NPAS3: variants seen among roughly 807,000 people sequenced by gnomAD.
The protein encoded by NPAS3 is neuronal PAS domain protein 3.
A neutral mutation model predicts 73.1 loss-of-function variants in NPAS3; 14 were observed. The observed-to-expected ratio is 0.19, with a 90% CI of 0.13 to 0.30. NPAS3 has a LOEUF of 0.30. NPAS3 is among the 10% of genes least tolerant of loss of function. The probability of loss-of-function intolerance (pLI) is 1.00; values close to 1 mark genes in which losing one functional copy is unlikely to be tolerated. For missense variants in NPAS3, 1,096 were observed against 1,250.0 expected, an observed-to-expected ratio of 0.88 and a Z score of 1.86; for synonymous variants, 620 against 541.5, an observed-to-expected ratio of 1.14 and a Z score of -2.01.
chr14:33,340,321 C>G (rs923700100), intron 3 of NPAS3, among the ~76,000 whole-genome samples: 9 of 152,082 alleles, frequency 5.9e-5, no homozygotes. Context: ...ATGGCGAAAC[C>G]CTGTCTCTAC....
At chr14:33,238,977 TG>T (rs973529871) in intron 3 of NPAS3, among the ~76,000 whole-genome samples, 25 of 151,990 alleles carry the variant, frequency 1.6e-4, no homozygotes, top group African/African-American at 5.3e-4. Context: ...GCTTATCAGT[TG>T]TCCTTCACAT....
upstream of NPAS3, chr14:32,934,796 C>G (rs903420819): frequency 3.7e-5 from 9 of 241,700 alleles, no homozygotes; most frequent in Non-Finnish European, 5.4e-5. This position sits in a 1 kb window ranked among gnomAD's most constrained non-coding sequence, Gnocchi z 4.1. Context: ...GCCCGAGCCC[C>G]CGCCAGCCAG....
At chr14:33,680,152 A>G (rs2059891898) in intron 6 of NPAS3, among the ~76,000 whole-genome samples, 1 of 152,130 alleles carries the variant, frequency 6.6e-6, no homozygotes, top group Admixed American at 6.5e-5. Flanking sequence ...ATTACTCTTA[A>G]TGATTCTGCC....
At chr14:33,602,287 T>C (rs2057421882) in intron 5 of NPAS3, among the ~76,000 whole-genome samples, 1 of 152,238 alleles carries the variant, frequency 6.6e-6, no homozygotes, top group South Asian at 2.1e-4. Flanking sequence ...CAAATAGACC[T>C]GAAAACAGTG....
chr14:33,621,137 T>C (rs556681457), intron 5 of NPAS3, among the ~76,000 whole-genome samples: 1 of 151,950 alleles, frequency 6.6e-6, no homozygotes, highest in Admixed American at 6.6e-5. Flanking sequence ...AGATTGAAGA[T>C]GATAAAGACA....
chr14:33,552,619 A>G (rs902639486), intron 4 of NPAS3, among the ~76,000 whole-genome samples: 9 of 152,144 alleles, frequency 5.9e-5, no homozygotes, highest in African/African-American at 1.7e-4. Flanking sequence ...CCAGTAGTCT[A>G]TATTCGACAG....
At chr14:33,162,819 G>T (rs2044951885) in intron 2 of NPAS3, among the ~76,000 whole-genome samples, 1 of 152,132 alleles carries the variant, frequency 6.6e-6, no homozygotes, top group Admixed American at 6.5e-5. Context: ...TCAAAAGTTT[G>T]CTCTGATATT....
intron 5 of NPAS3, among the ~76,000 whole-genome samples, chr14:33,654,783 C>G (rs1283039498): frequency 6.6e-6 from 1 of 152,134 alleles, no homozygotes; most frequent in Non-Finnish European, 1.5e-5. Context: ...ACCCTCACTT[C>G]AAAAAATCCC....
At chr14:33,638,579 A>G (rs143317327) in intron 5 of NPAS3, among the ~76,000 whole-genome samples, 1 of 152,384 alleles carries the variant, frequency 6.6e-6, no homozygotes, top group African/African-American at 2.4e-5. Context: ...TACACATATG[A>G]ACACACTAAG....
chr14:33,267,094 G>A (rs1477123354), intron 3 of NPAS3, among the ~76,000 whole-genome samples: 1 of 151,956 alleles, frequency 6.6e-6, no homozygotes, highest in African/African-American at 2.4e-5. Context: ...ATTGCCCAAA[G>A]GCTTTTAAAA....
At chr14:33,633,132 G>A (rs1274050858) in intron 5 of NPAS3, among the ~76,000 whole-genome samples, 1 of 152,202 alleles carries the variant, frequency 6.6e-6, no homozygotes, top group Non-Finnish European at 1.5e-5. Context: ...GTGATTTAAT[G>A]TATAGGGAGG....
At chr14:33,678,709 A>G (rs201111120) in intron 6 of NPAS3, among the ~76,000 whole-genome samples, 2 of 149,508 alleles carry the variant, frequency 1.3e-5, no homozygotes, top group East Asian at 4.1e-4. Flanking sequence ...ATTCATACTG[A>G]GTTTGATGTC....
intron 1 of NPAS3, among the ~76,000 whole-genome samples, chr14:32,962,569 C>CTTTTTTTTTTTTTTTTTTT (rs71432096): frequency 6.3e-4 from 70 of 110,610 alleles, no homozygotes; most frequent in Non-Finnish European, 9.5e-4. Flanking sequence ...TTTTTCTTTT[C>CTTTTTTTTTTTTTTTTTTT]TTTTTTTTTT....
In NPAS3 at chr14:33,143,206, TC is replaced by T. The variant is rs369881481; in HGVS notation, c.141-71974del. ...CAGTTTATAAGGTTAAAAAAAGTTA[TC>T]CTGGCCGGCTGCGGTGGCTCACGCC... On this transcript the variant is annotated intron_variant, in intron 2 of 11. Coordinates refer to ENST00000356141, the Ensembl canonical transcript of NPAS3. Among the ~76,000 whole-genome samples the T allele has an allele frequency of 1.0e-3, 157 of 151,058 alleles. 1 individual carries two copies. Among genetic ancestry groups the T allele is most frequent in the African/African-American group, 3.4e-3 (139 of 41,222 alleles).
At chr14:33,197,186 G>T (rs1358980336) in intron 2 of NPAS3, among the ~76,000 whole-genome samples, 1 of 151,454 alleles carries the variant, frequency 6.6e-6, no homozygotes, top group South Asian at 2.1e-4. Context: ...ATATACAGGG[G>T]TGAAGGGAAG....
At chr14:33,775,322 A>C (rs2062778609) in intron 8 of NPAS3, among the ~76,000 whole-genome samples, 1 of 152,154 alleles carries the variant, frequency 6.6e-6, no homozygotes, top group African/African-American at 2.4e-5. Context: ...TGGCGATACT[A>C]TCCTTCCCCG....
At chr14:33,797,290 C>T (rs571165258) in intron 10 of NPAS3, among the ~76,000 whole-genome samples, 167 bp from the exon 11 acceptor site, 1 of 152,232 alleles carries the variant, frequency 6.6e-6, no homozygotes, top group Non-Finnish European at 1.5e-5. Flanking sequence ...CACATGCAAG[C>T]CAAGCTTCCA....
At chr14:33,061,774 A>G (rs2041110490) in intron 2 of NPAS3, among the ~76,000 whole-genome samples, 1 of 152,212 alleles carries the variant, frequency 6.6e-6, no homozygotes, top group South Asian at 2.1e-4. Context: ...TCTGCTCTCT[A>G]GAAGCCTAGA....
intron 4 of NPAS3, among the ~76,000 whole-genome samples, chr14:33,536,684 T>A (rs1400692514): frequency 1.3e-5 from 2 of 151,434 alleles, no homozygotes; most frequent in Non-Finnish European, 2.9e-5. Flanking sequence ...TGTGCTTTTT[T>A]ATGCTTTGGA....
Sources: allele counts gnomAD v4.1 joint callset (sites outside exome capture counted in the v4.1 genomes callset), GRCh38; gene constraint gnomAD v4.1.1; non-coding constraint Gnocchi (gnomAD v3.1); transcripts MANE v1.5; gene names NCBI Gene and HGNC (gene_info 2026-07-23, HGNC 2026-07-21).